FGD3: variants seen among roughly 807,000 people sequenced by gnomAD.
FGD3 encodes the protein FYVE, RhoGEF and PH domain-containing protein 3.
A neutral mutation model predicts 71.8 loss-of-function variants in FGD3; 45 were observed. The ratio of observed to expected loss-of-function variants is 0.63; its 90% CI spans 0.49 to 0.80. The LOEUF is 0.80. Ranked by LOEUF, FGD3 falls within the 30% of genes least tolerant of loss-of-function variation. The pLI is 0.00. For synonymous variants in FGD3, 378 were observed against 392.8 expected, an observed-to-expected ratio of 0.96 and a Z score of 0.44; for missense variants, 844 against 951.5, an observed-to-expected ratio of 0.89 and a Z score of 1.49.
intron 3 of FGD3, among the ~76,000 whole-genome samples, chr9:92,990,025 G>C (rs1564152509): frequency 6.9e-6 from 1 of 145,942 alleles, no homozygotes; most frequent in Non-Finnish European, 1.5e-5. Context: ...CAGCTAGTTT[G>C]TTGTTTGTGT....
At chr9:93,023,833 G>A (rs1027626558) in intron 14 of FGD3, among the ~76,000 whole-genome samples, 1 of 127,684 alleles carries the variant, frequency 7.8e-6, no homozygotes, top group East Asian at 2.2e-4. Flanking sequence ...AGACGGAGTC[G>A]CTCTGTCGCC....
intron 7 of FGD3, 32 bp from the exon 8 acceptor site, chr9:93,011,182 G>A (rs780957582): frequency 6.2e-7 from 1 of 1,613,540 alleles, no homozygotes; most frequent in Admixed American, 1.7e-5. Flanking sequence ...AGCCACCGTG[G>A]CCCCAGGCTG....
In FGD3 at chr9:93,013,882, G is replaced by T; in HGVS notation, c.1066G>T (p.Glu356Ter). The T allele has an allele frequency of 6.2e-7, 1 of 1,612,640 alleles. No individual in the cohort carries two copies. Among genetic ancestry groups the T allele is most frequent in the Non-Finnish European group, 8.5e-7 (1 of 1,179,482 alleles). Residue 356 changes from glutamate to a stop codon, truncating the protein, a stop_gained, in exon 9 of 18, where the codon GAG (glutamate) becomes TAG (stop). Transcript: ENST00000375482. LOFTEE classifies it high-confidence loss of function. ...EKMHKLLEVY[E>*]QLGGEEDIVN... ...AATGCACAAGCTCTTGGAGGTGTAC[G>T]AGCAGCTGGGTGGGGAAGAAGACAT...
chr9:93,003,131 A>T lies in FGD3; in HGVS notation c.543+117A>T. 1 of 1,006,326 alleles carries T rather than the reference A, an allele frequency of 9.9e-7. No homozygotes were observed. Among genetic ancestry groups the T allele is most frequent in the Non-Finnish European group, 1.4e-6 (1 of 690,188 alleles). 62.3% of individuals were successfully genotyped at this position (1,006,326 alleles called of 1,614,324 possible). ...AGACAAATTTAAGTCTGGTCTACAA[A>T]CTTTTTTTTTTTTTTGAGACAAAGT... On this transcript the variant is annotated intron_variant, in intron 4 of 17. Transcript: ENST00000375482. The surrounding 1 kb of genome is among the most constrained non-coding windows in gnomAD (Gnocchi z 4.1).
intron 3 of FGD3, 126 bp from the exon 4 acceptor site, chr9:93,002,799 T>G: frequency 1.2e-6 from 1 of 843,160 alleles, no homozygotes; most frequent in African/African-American, 1.7e-5. Flanking sequence ...CTGCCCCTTC[T>G]CTTGCCCCAG....
intron 14 of FGD3, among the ~76,000 whole-genome samples, chr9:93,023,892 C>G (rs935803604): frequency 2.0e-5 from 3 of 148,764 alleles, no homozygotes; most frequent in African/African-American, 7.5e-5. Flanking sequence ...ACCTCCACTT[C>G]CCAGGTTCAA....
Position 93,003,766 on chromosome 9 carries a change from C to T in FGD3, c.544-235C>T, listed in dbSNP as rs1860944669. On this transcript the variant is annotated intron_variant, in intron 4 of 17. Transcript: ENST00000375482. The surrounding 1 kb of genome is among the most constrained non-coding windows in gnomAD (Gnocchi z 4.1). ...AAAGATGTCATTCCCTGTCCTCAGG[C>T]GACTGTCCCTGCCTCACCCACATTC... 6.6e-6 allele frequency among the ~76,000 whole-genome samples: 1 copy of T among 152,220 alleles called. No homozygotes were observed.
chr9:93,016,580 C>T (rs941917821), intron 10 of FGD3, among the ~76,000 whole-genome samples: 13 of 151,864 alleles, frequency 8.6e-5, no homozygotes, highest in African/African-American at 3.1e-4. Context: ...TCGTGATCCA[C>T]CCGCCTTGGC....
chr9:92,996,193 G>C (rs977661147), intron 3 of FGD3, among the ~76,000 whole-genome samples: 1 of 152,058 alleles, frequency 6.6e-6, no homozygotes, highest in Non-Finnish European at 1.5e-5. Flanking sequence ...ACTTCTTCCT[G>C]GTTTAGTCTT....
At chr9:92,984,466 A>G (rs1206932943) in intron 3 of FGD3, among the ~76,000 whole-genome samples, 1 of 152,224 alleles carries the variant, frequency 6.6e-6, no homozygotes, top group African/African-American at 2.4e-5. Flanking sequence ...GGGAGCAGAC[A>G]AAGAGGTTAT....
chr9:93,032,520 CA>C, intron 15 of FGD3: 1 of 474,592 alleles, frequency 2.1e-6, no homozygotes, highest in Non-Finnish European at 3.8e-6. Flanking sequence ...CCCACGCACA[CA>C]AGACTCCTGG....
At chr9:92,947,791 T>A (rs1858883276) in intron 1 of FGD3, 62 bp downstream of exon 1, 1 of 152,478 alleles carries the variant, frequency 6.6e-6, no homozygotes, top group Non-Finnish European at 1.5e-5. Flanking sequence ...TTTGAGATCC[T>A]GTGTGGGCTC....
At chr9:92,950,213 C>T (rs1396454728) in intron 1 of FGD3, among the ~76,000 whole-genome samples, 1 of 151,806 alleles carries the variant, frequency 6.6e-6, no homozygotes, top group Non-Finnish European at 1.5e-5. Flanking sequence ...GTCAGGAGAT[C>T]GAGACCATCC....
At chr9:93,018,273 C>T (rs1294221911) in intron 11 of FGD3, 58 bp downstream of exon 11, 2 of 1,442,180 alleles carry the variant, frequency 1.4e-6, no homozygotes. Context: ...TTTTTCTAAA[C>T]TGGTTAACCT....
chr9:93,008,736 G>C (rs1587849645), intron 6 of FGD3, among the ~76,000 whole-genome samples: 2 of 152,328 alleles, frequency 1.3e-5, no homozygotes, highest in African/African-American at 4.8e-5. Flanking sequence ...GGCCCAGGTG[G>C]GCGGATCACC....
chr9:92,976,965 C>T (rs557054326), intron 3 of FGD3, among the ~76,000 whole-genome samples: 104 of 152,346 alleles, frequency 6.8e-4, no homozygotes, highest in African/African-American at 2.3e-3. Context: ...CACAACTGCA[C>T]AGTGGGCACC....
At position 92,957,037 on chromosome 9, in the gene FGD3, T is replaced by C. The variant is rs2118505494; in HGVS notation, c.-218+9308T>C. On this transcript the variant is annotated intron_variant, in intron 1 of 17. Coordinates refer to ENST00000375482, the MANE Select transcript of FGD3 (RefSeq NM_001083536.2). ...GTTATATCAGTGGCTTACTCCTTTT[T>C]ATTGCTGGATCCTGTTCCATCCATA... 2.6e-5 allele frequency among the ~76,000 whole-genome samples: 4 copies of C among 152,256 alleles called. 1 individual carries two copies. In the Middle Eastern group the frequency reaches 0.014, roughly 518 times the overall value.
At position 93,028,995 on chromosome 9, in the gene FGD3, G is replaced by GTTTTTTTT. The variant is rs869235976; in HGVS notation, c.1558-844_1558-837dup. ...CATGGCTTCCTCACATGTCCTCACA[G>GTTTTTTTT]TTTTTTTTTTTTTTTTTTTTTTTTT... is the stretch of plus-strand genomic sequence containing the variant. On this transcript the variant is annotated intron_variant, in intron 14 of 17. Coordinates refer to ENST00000375482, the MANE Select transcript of FGD3 (RefSeq NM_001083536.2). Among the ~76,000 whole-genome samples, 31 of 51,752 alleles carry GTTTTTTTT rather than the reference G, an allele frequency of 6.0e-4. 7 individuals carry two copies. Among genetic ancestry groups the GTTTTTTTT allele is most frequent in the Non-Finnish European group, 1.0e-3 (28 of 27,378 alleles). 34.0% of individuals were successfully genotyped at this position (51,752 alleles called of 152,430 possible). A position where few individuals can be genotyped will look rare whatever the true frequency, so the allele number is the denominator to read the frequency against.
At chr9:93,026,394 G>C (rs1296830027) in intron 14 of FGD3, among the ~76,000 whole-genome samples, 1 of 152,140 alleles carries the variant, frequency 6.6e-6, no homozygotes, top group Non-Finnish European at 1.5e-5. Flanking sequence ...GTGCATGGCC[G>C]AGAGAGCATC....
Sources: allele counts gnomAD v4.1 joint callset (sites outside exome capture counted in the v4.1 genomes callset), GRCh38; gene constraint gnomAD v4.1.1; non-coding constraint Gnocchi (gnomAD v3.1); transcripts MANE v1.5; gene names NCBI Gene and HGNC (gene_info 2026-07-23, HGNC 2026-07-21).